HYDIN: variants seen among roughly 807,000 people sequenced by gnomAD.
The protein encoded by HYDIN is axonemal central pair apparatus protein HYDIN.
Under a neutral mutation model 403.9 loss-of-function variants are expected in HYDIN, and 132 were observed. The ratio of observed to expected loss-of-function variants is 0.33; its 90% CI spans 0.28 to 0.38. HYDIN has a LOEUF of 0.38. Ranked by LOEUF, HYDIN falls within the 10% of genes least tolerant of loss-of-function variation. HYDIN has a pLI of 1.00. For missense variants in HYDIN, 2,827 were observed against 5,009.5 expected (o/e 0.56, Z 13.15); for synonymous variants, 1,202 against 1,891.7 (o/e 0.64, Z 9.46).
rs993613551 is a variant in HYDIN at position 71,037,924 on chromosome 16, C to T, written c.2530-6007G>A. Among the ~76,000 whole-genome samples the T allele has an allele frequency of 2.6e-5, 4 of 152,130 alleles. No homozygotes were observed. In the East Asian group the frequency reaches 5.8e-4, roughly 22 times the overall value. ...ATCATAAGTTAGCATTGCCTTAAGC[C>T]GCTATATTTGTGATAATTTGTTACC... On this transcript the variant is annotated intron_variant, in intron 18 of 85. Transcript: ENST00000393567.
At chr16:70,932,227 C>T (rs1241706945) in intron 45 of HYDIN, among the ~76,000 whole-genome samples, 25 of 148,760 alleles carry the variant, frequency 1.7e-4, no homozygotes, top group African/African-American at 3.2e-4. Flanking sequence ...TGGTGGCGGG[C>T]GCCTGTAATC....
At chr16:70,834,959 T>C (rs140103636) in intron 78 of HYDIN, among the ~76,000 whole-genome samples, 5,541 of 144,508 alleles carry the variant, frequency 0.038, 363 homozygotes, top group African/African-American at 0.13. Flanking sequence ...TGTATATATA[T>C]ACACACATAT....
At chr16:70,884,680 TAAAACAAAACAAAACAAAACAAAAC>T (rs60100896) in intron 58 of HYDIN, among the ~76,000 whole-genome samples, 213 of 146,048 alleles carry the variant, frequency 1.5e-3, no homozygotes, top group African/African-American at 4.1e-3. Flanking sequence ...GAATTAGTGC[TAAAACAAAACAAAACAAAACAAAAC>T]AAAACAAAAC....
At chr16:71,184,575 AT>A (rs991648944) in intron 3 of HYDIN, among the ~76,000 whole-genome samples, 3 of 152,308 alleles carry the variant, frequency 2.0e-5, no homozygotes, top group African/African-American at 7.2e-5. Flanking sequence ...CTTGACTAAT[AT>A]AATTCTTAGA....
chr16:71,098,228 G>A (rs1438013203), intron 10 of HYDIN, among the ~76,000 whole-genome samples: 5 of 144,332 alleles, frequency 3.5e-5, no homozygotes, highest in South Asian at 4.5e-4. Flanking sequence ...TTGAGATGGA[G>A]TCTCGCTCTG....
chr16:71,071,269 A>C (rs988863648), intron 13 of HYDIN, among the ~76,000 whole-genome samples: 1 of 148,662 alleles, frequency 6.7e-6, no homozygotes, highest in Admixed American at 6.7e-5. Context: ...TAGTTACAAC[A>C]ATTTCTTGTA....
intron 7 of HYDIN, among the ~76,000 whole-genome samples, chr16:71,145,684 G>C (rs2085342083): frequency 6.6e-6 from 1 of 152,156 alleles, no homozygotes; most frequent in African/African-American, 2.4e-5. Flanking sequence ...CTGGCAAAAT[G>C]CAGCCGCATT....
intron 64 of HYDIN, 101 bp from the exon 65 acceptor site, chr16:70,872,280 T>C (rs2040157619): frequency 1.8e-6 from 1 of 543,996 alleles, no homozygotes; most frequent in Non-Finnish European, 3.2e-6. Context: ...AGTCCTTCCA[T>C]CCTTGGATGG....
At position 70,870,022 on chromosome 16, in the gene HYDIN, G is replaced by C. The variant is rs377492135; in HGVS notation, c.11092-1234C>G. On this transcript the variant is annotated intron_variant, in intron 65 of 85. Coordinates refer to ENST00000393567, the MANE Select transcript of HYDIN (RefSeq NM_001270974.2). ...GGGAACTGGAGCAAAGGTGACTCTT[G>C]CTATGTTTTAGCAAAGAGACTGGTG... 1.2e-3 allele frequency among the ~76,000 whole-genome samples: 181 copies of C among 152,082 alleles called. 3 individuals are homozygous for C. Among genetic ancestry groups the C allele is most frequent in the Admixed American group, 3.3e-3 (51 of 15,256 alleles).
intron 84 of HYDIN, among the ~76,000 whole-genome samples, chr16:70,815,465 GAC>G (rs2035778630): frequency 6.7e-6 from 1 of 149,606 alleles, no homozygotes; most frequent in Admixed American, 6.6e-5. Flanking sequence ...GTTTATAAAA[GAC>G]ACATTTAAAT....
chr16:71,047,422 A>G (rs1433454370), intron 18 of HYDIN, among the ~76,000 whole-genome samples: 3 of 152,068 alleles, frequency 2.0e-5, no homozygotes, highest in Non-Finnish European at 2.9e-5. Context: ...GGCAAAATGA[A>G]AAAGGTCTCA....
intron 7 of HYDIN, among the ~76,000 whole-genome samples, chr16:71,149,694 T>C (rs2085463333): frequency 6.6e-6 from 1 of 151,974 alleles, no homozygotes; most frequent in East Asian, 1.9e-4. Context: ...GCCTGCCTAA[T>C]TTTTTTGTAT....
At chr16:70,835,025 TG>T (rs199763029) in intron 78 of HYDIN, among the ~76,000 whole-genome samples, 10,505 of 142,728 alleles carry the variant, frequency 0.074, 469 homozygotes, top group East Asian at 0.16. Context: ...CATATATATA[TG>T]TTTTTTTTTT....
rs531502334 is a variant in HYDIN, at chr16:71,204,714, G to A, written c.-23-17796C>T. ...CCATTTTTCTTCTTTTAGTTATCAC[G>A]TTGGTAAATATTGAGAGGAAATTCT... On this transcript the variant is annotated intron_variant, in intron 1 of 85. Transcript: ENST00000393567. 1.1e-4 allele frequency among the ~76,000 whole-genome samples: 17 copies of A among 152,290 alleles called. No homozygotes were observed. The South Asian group carries it at 1.7e-3, about 15-fold the overall frequency.
chr16:70,970,486 T>C, intron 36 of HYDIN, 34 bp downstream of exon 36: 1 of 1,605,466 alleles, frequency 6.2e-7, no homozygotes, highest in Non-Finnish European at 8.5e-7. Context: ...GATGGGAACG[T>C]GTAGAAAAAC....
chr16:71,069,384 A>G lies in HYDIN; in HGVS notation c.1857T>C (p.His619=), dbSNP rs1386113798. Residue 619 remains histidine (H), a synonymous_variant, in exon 14 of 86, where the codon CAT becomes CAC. Coordinates refer to ENST00000393567, the MANE Select transcript of HYDIN (RefSeq NM_001270974.2). ...GHKSISYCEQ[H]VDYKRPSWTK... ...TCCAAGATGGTCTTTTGTAGTCCAC[A>G]TGCTGCTCACAATATGAAATGCTTT... The G allele has an allele frequency of 1.2e-6, 2 of 1,614,206 alleles. No homozygotes were observed. Among genetic ancestry groups the G allele is most frequent in the South Asian group, 2.2e-5 (2 of 91,082 alleles).
At chr16:71,031,030 C>G (rs1179813765) in intron 19 of HYDIN, among the ~76,000 whole-genome samples, 1 of 150,500 alleles carries the variant, frequency 6.6e-6, no homozygotes, top group Non-Finnish European at 1.5e-5. Flanking sequence ...GAAACCCCGT[C>G]TCTACTAAAA....
In HYDIN at chr16:70,864,117, G is replaced by C. The variant is rs575000018; in HGVS notation, c.11472-935C>G. 8.3e-4 allele frequency among the ~76,000 whole-genome samples: 126 copies of C among 152,180 alleles called. 1 individual carries two copies. The South Asian group carries it at 0.025, about 30-fold the overall frequency. On this transcript the variant is annotated intron_variant, in intron 67 of 85. Transcript: ENST00000393567. ...AGGCCAGGGCAGGTGGATCACCTGA[G>C]GTCAGGAGTTCGAGACCAGCTTGGC...
chr16:70,859,145 C>T (rs1381153324), intron 71 of HYDIN, among the ~76,000 whole-genome samples: 2 of 151,546 alleles, frequency 1.3e-5, no homozygotes, highest in Non-Finnish European at 2.9e-5. Flanking sequence ...ACTAAAAATA[C>T]AAAAAATTAG....
Sources: gnomAD v4.1 joint callset for allele counts (sites outside exome capture counted in the v4.1 genomes callset) on GRCh38, gnomAD v4.1.1 for gene constraint, MANE v1.5 for transcripts, NCBI Gene and HGNC (gene_info 2026-07-23, HGNC 2026-07-21) for gene names.